Variants in PPM1H observed in about 807,000 individuals in gnomAD.
PPM1H encodes protein phosphatase 1H.
Under a neutral mutation model 54.9 loss-of-function variants are expected in PPM1H, and 27 were observed. That is an observed-to-expected ratio of 0.49 (90% CI 0.36 to 0.68). The LOEUF (loss-of-function observed/expected upper bound fraction) is 0.68. Ranked by LOEUF, PPM1H falls within the 30% of genes least tolerant of loss-of-function variation. PPM1H has a pLI of 0.00. For missense variants in PPM1H, 596 were observed against 667.8 expected (o/e 0.89, Z 1.19); for synonymous variants, 305 against 270.8 (o/e 1.13, Z -1.24).
intron 1 of PPM1H, among the ~76,000 whole-genome samples, chr12:62,874,861 A>G (rs1349842178): frequency 2.0e-5 from 3 of 152,244 alleles, no homozygotes; most frequent in African/African-American, 7.2e-5. Context: ...CGCCATTTTC[A>G]GTCTCAATAC....
intron 1 of PPM1H, among the ~76,000 whole-genome samples, chr12:62,926,221 C>T (rs187876358): frequency 9.0e-4 from 137 of 152,322 alleles, no homozygotes; most frequent in Middle Eastern, 6.8e-3. Context: ...AGAATGGCCA[C>T]TTTGTTGCTG....
intron 1 of PPM1H, among the ~76,000 whole-genome samples, chr12:62,898,363 C>T (rs1205966810): frequency 1.3e-5 from 2 of 152,202 alleles, no homozygotes; most frequent in Non-Finnish European, 2.9e-5. Flanking sequence ...ATTATGAATG[C>T]CCACGTATGT....
At chr12:62,724,041 G>A (rs570169786) in intron 5 of PPM1H, among the ~76,000 whole-genome samples, 1 of 152,240 alleles carries the variant, frequency 6.6e-6, no homozygotes, top group South Asian at 2.1e-4. Context: ...ACCATACCCA[G>A]AGGAAAGAAA....
intron 1 of PPM1H, among the ~76,000 whole-genome samples, chr12:62,885,141 C>A (rs140715966): frequency 0.013 from 2,032 of 152,256 alleles, 42 homozygotes; most frequent in African/African-American, 0.046. Flanking sequence ...TTCACTATCA[C>A]GAGAATAGCA....
intron 1 of PPM1H, among the ~76,000 whole-genome samples, chr12:62,895,581 A>G (rs1289112884): frequency 3.9e-5 from 6 of 152,250 alleles, no homozygotes; most frequent in Admixed American, 3.9e-4. Context: ...CCCAATGTTG[A>G]ATGTGGGGCA....
At chr12:62,725,116 G>T (rs555243543) in intron 5 of PPM1H, among the ~76,000 whole-genome samples, 1 of 152,284 alleles carries the variant, frequency 6.6e-6, no homozygotes, top group Admixed American at 6.5e-5. Flanking sequence ...CCCACTTCAG[G>T]AATGTGGCTA....
chr12:62,917,452 A>G (rs1871659810), intron 1 of PPM1H, among the ~76,000 whole-genome samples: 1 of 152,200 alleles, frequency 6.6e-6, no homozygotes, highest in South Asian at 2.1e-4. Flanking sequence ...GACCCTAATT[A>G]GATATCTACA....
chr12:62,688,105 C>T (rs1194171528), intron 8 of PPM1H, among the ~76,000 whole-genome samples: 1 of 151,916 alleles, frequency 6.6e-6, no homozygotes, highest in Non-Finnish European at 1.5e-5. Context: ...CTTCTACTAT[C>T]GAAATTGGGA....
chr12:62,821,304 C>G (rs1402015245), intron 2 of PPM1H, among the ~76,000 whole-genome samples: 1 of 152,050 alleles, frequency 6.6e-6, no homozygotes, highest in Non-Finnish European at 1.5e-5. Flanking sequence ...TTTGGTGTAC[C>G]TGAAAGTGAC....
chr12:62,689,105 T>C, intron 8 of PPM1H, among the ~76,000 whole-genome samples: 1 of 152,172 alleles, frequency 6.6e-6, no homozygotes, highest in East Asian at 1.9e-4. Context: ...TACTTCTGGT[T>C]GGGCAAGGAA....
intron 1 of PPM1H, among the ~76,000 whole-genome samples, chr12:62,897,955 C>G (rs888276808): frequency 6.6e-6 from 1 of 152,100 alleles, no homozygotes; most frequent in African/African-American, 2.4e-5. Context: ...AAGAAACAGC[C>G]TATCACCAGC....
rs545678094 is a variant in PPM1H, at chr12:62,661,627, C to A, written c.1397+5551G>T. ...GGCCAGGCTGGTCTTGAACTCTTGG[C>A]CTCAAGGGATCCGCCTGCCTTGGCT... On this transcript the variant is annotated intron_variant, in intron 9 of 9. Coordinates refer to ENST00000228705, the MANE Select transcript of PPM1H (RefSeq NM_020700.2). Among the ~76,000 whole-genome samples the A allele has an allele frequency of 2.0e-5, 3 of 152,284 alleles. No homozygotes were observed. In the East Asian group the frequency reaches 5.8e-4, roughly 29 times the overall value.
chr12:62,852,489 C>T (rs941841484), intron 1 of PPM1H, among the ~76,000 whole-genome samples: 1 of 152,060 alleles, frequency 6.6e-6, no homozygotes, highest in African/African-American at 2.4e-5. Context: ...TGTTTATGTA[C>T]CACTCAGTCT....
In PPM1H at chr12:62,934,770, A is replaced by G; in HGVS notation, c.-34T>C. On this transcript the variant is annotated 5_prime_UTR_variant, in exon 1 of 10. Transcript: ENST00000228705. This position sits in a 1 kb window ranked among gnomAD's most constrained non-coding sequence, Gnocchi z 4.2. ...GGCGCCCGGCTGCAGCGGTGCGAGCAGGAGGCGGCGGGGGCCGGGCAAGGC... is the reference window on the plus strand; with the variant it reads ...GGCGCCCGGCTGCAGCGGTGCGAGCGGGAGGCGGCGGGGGCCGGGCAAGGC... 2.7e-6 allele frequency: 4 copies of G among 1,470,002 alleles called. No homozygotes were observed. The South Asian group carries it at 5.7e-5, about 21-fold the overall frequency. The allele number at this position is 1,470,002 out of a possible 1,614,324, so 91.1% of individuals were successfully genotyped here.
At position 62,648,444 on chromosome 12, in the gene PPM1H, T is replaced by A. The variant is rs1252826648; in HGVS notation, c.*45A>T. On this transcript the variant is annotated 3_prime_UTR_variant, in exon 10 of 10. Transcript: ENST00000228705. ...CCCAGTTCCGTCCTGCCAAGAGGCA[T>A]CCCAGCTTTCTTCCCCTCTGTCCTC... The A allele has an allele frequency of 6.2e-7, 1 of 1,607,048 alleles. No homozygotes were observed. Among genetic ancestry groups the A allele is most frequent in the African/African-American group, 1.3e-5 (1 of 74,880 alleles).
At chr12:62,830,532 G>A (rs1359474352) in intron 2 of PPM1H, among the ~76,000 whole-genome samples, 7 of 152,198 alleles carry the variant, frequency 4.6e-5, no homozygotes, top group Admixed American at 2.0e-4. Flanking sequence ...TGGGATTACA[G>A]GCGTGAGCCA....
At chr12:62,861,312 C>T (rs1869594440) in intron 1 of PPM1H, among the ~76,000 whole-genome samples, 1 of 152,166 alleles carries the variant, frequency 6.6e-6, no homozygotes, top group Non-Finnish European at 1.5e-5. Flanking sequence ...TGCCGGCTAG[C>T]ATTAGGAAGC....
chr12:62,834,657 G>A (rs1294435931), intron 1 of PPM1H, among the ~76,000 whole-genome samples: 1 of 152,214 alleles, frequency 6.6e-6, no homozygotes, highest in East Asian at 1.9e-4. Context: ...AAGAACAGGT[G>A]GCTCAGATCT....
At chr12:62,905,505 C>A (rs1359365135) in intron 1 of PPM1H, among the ~76,000 whole-genome samples, 2 of 152,104 alleles carry the variant, frequency 1.3e-5, no homozygotes, top group Non-Finnish European at 2.9e-5. Flanking sequence ...ATAAAGCACA[C>A]AATGAGGTGT....
Sources: allele counts gnomAD v4.1 joint callset (sites outside exome capture counted in the v4.1 genomes callset), GRCh38; gene constraint gnomAD v4.1.1; non-coding constraint Gnocchi (gnomAD v3.1); transcripts MANE v1.5; gene names NCBI Gene and HGNC (gene_info 2026-07-23, HGNC 2026-07-21).